Variants in ESR1 observed in about 807,000 individuals in gnomAD.
The protein encoded by ESR1 is estrogen receptor 1.
A neutral mutation model predicts 52.7 loss-of-function variants in ESR1; 12 were observed. That is an observed-to-expected ratio of 0.23 (90% CI 0.15 to 0.37). The LOEUF (loss-of-function observed/expected upper bound fraction) is 0.37, where lower values mean the gene tolerates loss of function less well. Ranked by LOEUF, ESR1 falls within the 10% of genes least tolerant of loss-of-function variation. ESR1 has a pLI of 1.00. For missense variants in ESR1, 584 were observed against 779.7 expected, an observed-to-expected ratio of 0.75 and a Z score of 2.99; for synonymous variants, 305 against 316.8, an observed-to-expected ratio of 0.96 and a Z score of 0.39.
intron 5 of ESR1, among the ~76,000 whole-genome samples, chr6:152,043,788 G>A (rs1033757411): frequency 2.0e-5 from 3 of 152,226 alleles, no homozygotes; most frequent in African/African-American, 4.8e-5. Context: ...GGGTCCTCCC[G>A]CATGGCCCCA....
At chr6:152,096,676 G>A (rs1348037345) in intron 7 of ESR1, 1 of 455,898 alleles carries the variant, frequency 2.2e-6, no homozygotes, top group African/African-American at 2.0e-5. Flanking sequence ...AAGGATTCCT[G>A]TGTAACAGAT....
At chr6:151,790,800 G>T (rs1255669673) in intron 2 of ESR1, among the ~76,000 whole-genome samples, 2 of 152,136 alleles carry the variant, frequency 1.3e-5, no homozygotes, top group East Asian at 1.9e-4. Context: ...CTAAAATAAT[G>T]AGGCCAACCT....
chr6:151,879,279 T>A (rs978061018), intron 2 of ESR1, among the ~76,000 whole-genome samples: 1 of 152,156 alleles, frequency 6.6e-6, no homozygotes, highest in Non-Finnish European at 1.5e-5. Context: ...TTATGTAGGA[T>A]GTGGACTGAA....
intron 2 of ESR1, among the ~76,000 whole-genome samples, chr6:151,735,010 C>T (rs983568916): frequency 8.5e-5 from 13 of 152,066 alleles, no homozygotes; most frequent in Non-Finnish European, 1.9e-4. Context: ...TTTGTTAAGT[C>T]ATTTTGATTT....
At chr6:151,955,792 G>A (rs1000278771) in intron 4 of ESR1, among the ~76,000 whole-genome samples, 11 of 152,172 alleles carry the variant, frequency 7.2e-5, no homozygotes, top group African/African-American at 1.9e-4. Flanking sequence ...CTCATGGCTC[G>A]GGGCTTGGTA....
intron 4 of ESR1, among the ~76,000 whole-genome samples, chr6:151,963,147 A>G (rs563124910): frequency 1.3e-5 from 2 of 152,016 alleles, no homozygotes; most frequent in Middle Eastern, 3.4e-3. Flanking sequence ...TGTCATAAAT[A>G]TTTGACCATC....
intron 4 of ESR1, among the ~76,000 whole-genome samples, chr6:151,995,290 C>T (rs879757265): frequency 5.9e-5 from 9 of 152,136 alleles, no homozygotes; most frequent in East Asian, 1.9e-4. Context: ...TTCTCCTATC[C>T]GTCTTTCCAT....
chr6:151,712,998 T>C (rs1780740191), intron 2 of ESR1, among the ~76,000 whole-genome samples: 1 of 152,198 alleles, frequency 6.6e-6, no homozygotes, highest in South Asian at 2.1e-4. Flanking sequence ...TCTTATTATT[T>C]TGAGGTATGT....
chr6:152,042,517 G>C (rs1344580662), intron 5 of ESR1, among the ~76,000 whole-genome samples: 1 of 152,124 alleles, frequency 6.6e-6, no homozygotes, highest in East Asian at 1.9e-4. Context: ...GTCTCCTGGG[G>C]GAAGGATGGG....
chr6:152,049,017 G>A (rs1219782257), intron 5 of ESR1, among the ~76,000 whole-genome samples: 1 of 152,230 alleles, frequency 6.6e-6, no homozygotes, highest in East Asian at 1.9e-4. Context: ...CATACTTGAT[G>A]TGGGCATTTT....
In ESR1 at chr6:151,807,822, C is replaced by G; in HGVS notation, c.-91C>G. The G allele has an allele frequency of 4.3e-6, 5 of 1,174,034 alleles. No homozygotes were observed. The highest frequency in any genetic ancestry group is 3.7e-6 in the Non-Finnish European group (3 of 806,592). 72.7% of individuals were successfully genotyped at this position (1,174,034 alleles called of 1,614,324 possible). ...ACATGCGCTGCGTCGCCTCTAACCTCGGGCTGTGCTCTTTTTCCAGGTGGC... is the reference window on the plus strand; with the variant it reads ...ACATGCGCTGCGTCGCCTCTAACCTGGGGCTGTGCTCTTTTTCCAGGTGGC... On this transcript the variant is annotated 5_prime_UTR_variant, in exon 1 of 8. Transcript: ENST00000206249.
chr6:151,736,900 C>T (rs1222758708), intron 2 of ESR1, among the ~76,000 whole-genome samples: 1 of 151,998 alleles, frequency 6.6e-6, no homozygotes, highest in East Asian at 1.9e-4. Context: ...GTATTTAATG[C>T]AGAGAATTTC....
intron 4 of ESR1, among the ~76,000 whole-genome samples, chr6:151,953,120 A>T (rs892914542): frequency 6.6e-5 from 10 of 152,158 alleles, no homozygotes; most frequent in Non-Finnish European, 1.3e-4. Context: ...CCTCTCCAAG[A>T]TGCATGTGGC....
chr6:151,707,054 C>T (rs1272457816), intron 2 of ESR1, among the ~76,000 whole-genome samples: 1 of 152,146 alleles, frequency 6.6e-6, no homozygotes, highest in African/African-American at 2.4e-5. Flanking sequence ...TAGCACAAAG[C>T]TCTAATGTTG....
chr6:151,757,851 A>G (rs1784399853), intron 2 of ESR1, among the ~76,000 whole-genome samples: 1 of 152,320 alleles, frequency 6.6e-6, no homozygotes, highest in African/African-American at 2.4e-5. Flanking sequence ...AGAGCCAGGA[A>G]TGACTTCATC....
chr6:152,039,301 A>T (rs907205843), intron 5 of ESR1, among the ~76,000 whole-genome samples: 1 of 152,080 alleles, frequency 6.6e-6, no homozygotes, highest in Non-Finnish European at 1.5e-5. Context: ...AGGGCTTGGT[A>T]ATACTAAGAG....
chr6:152,092,003 A>G (rs1456461335), intron 6 of ESR1, among the ~76,000 whole-genome samples: 1 of 152,174 alleles, frequency 6.6e-6, no homozygotes, highest in Non-Finnish European at 1.5e-5. Context: ...GTGAGGCTGC[A>G]CTGGGTATGA....
At chr6:151,985,864 C>T (rs1221245258) in intron 4 of ESR1, among the ~76,000 whole-genome samples, 1 of 151,910 alleles carries the variant, frequency 6.6e-6, no homozygotes, top group Non-Finnish European at 1.5e-5. Context: ...GACAGGGTTT[C>T]ACCACGTTGG....
chr6:151,852,601 A>T lies in ESR1; in HGVS notation c.643+9814A>T, dbSNP rs551629251. 3.3e-5 allele frequency among the ~76,000 whole-genome samples: 5 copies of T among 151,664 alleles called. No individual in the cohort carries two copies. In the South Asian group the frequency reaches 1.0e-3, roughly 32 times the overall value. On this transcript the variant is annotated intron_variant, in intron 2 of 7. Coordinates refer to ENST00000206249, the MANE Select transcript of ESR1 (RefSeq NM_000125.4). ...AATAGTAAACTGCAGAAACAAATAT[A>T]AGCATTTTTATGATGTCCAAACAAG... is the stretch of plus-strand genomic sequence containing the variant.
Sources: gnomAD v4.1 joint callset for allele counts (sites outside exome capture counted in the v4.1 genomes callset) on GRCh38, gnomAD v4.1.1 for gene constraint, MANE v1.5 for transcripts, NCBI Gene and HGNC (gene_info 2026-07-23, HGNC 2026-07-21) for gene names.